Variants in C4orf51 observed in about 807,000 individuals in gnomAD.
C4orf51 encodes chromosome 4 open reading frame 51.
C4orf51 carries 25 observed loss-of-function variants against 25.2 expected under a neutral mutation model. The observed-to-expected ratio is 0.99, with a 90% CI of 0.72 to 1.39. The LOEUF is 1.39. Ranked by LOEUF, C4orf51 falls within the 40% of genes most tolerant of loss-of-function variation. The pLI is 0.00. For missense variants in C4orf51, 252 were observed against 239.6 expected, an observed-to-expected ratio of 1.05 and a Z score of -0.34; for synonymous variants, 100 against 84.5, an observed-to-expected ratio of 1.18 and a Z score of -1.01.
rs373641162 is a variant in C4orf51 at position 145,729,170 on chromosome 4, C to G, written c.368C>G (p.Ala123Gly). The G allele has an allele frequency of 2.5e-6, 4 of 1,593,210 alleles. No homozygotes were observed. Among genetic ancestry groups the G allele is most frequent in the African/African-American group, 2.7e-5 (2 of 74,450 alleles). ...KKSFDVKHGV[A>G]HQIWDFGDCF... ...TATTTCTATCTCTCCTTTTTATAGG[C>G]ACATCAAATTTGGGATTTTGGTGAT... The change falls in exon 4 of 6, where the codon GCA (alanine) becomes GGA (glycine). Residue 123 changes from alanine (A) to glycine (G), a missense_variant and splice_region_variant. Physicochemically the swap from Ala to Gly is moderately conservative, Grantham distance 60. Transcript: ENST00000438731.
downstream of C4orf51, among the ~76,000 whole-genome samples, chr4:145,734,837 C>T (rs1350998068): frequency 6.6e-6 from 1 of 152,198 alleles, no homozygotes; most frequent in Non-Finnish European, 1.5e-5. Context: ...ATGGTCAAGG[C>T]AGCCTGTGAC....
At position 145,692,963 on chromosome 4, in the gene C4orf51, TTTTTTTTTTTTTTTTTG is replaced by T. The variant is rs1289449394; in HGVS notation, c.234-3594_234-3578del. Among the ~76,000 whole-genome samples the T allele has an allele frequency of 1.2e-3, 29 of 24,006 alleles. 1 individual carries two copies. Among genetic ancestry groups the T allele is most frequent in the African/African-American group, 6.9e-3 (29 of 4,210 alleles). 15.7% of individuals were successfully genotyped at this position (24,006 alleles called of 152,430 possible). A position where few individuals can be genotyped will look rare whatever the true frequency, so the allele number is the denominator to read the frequency against. ...GATATTAAGTTTTTAGTTTTTTTTT[TTTTTTTTTTTTTTTTTG>T]TAAGTCCCATCAGGTGAAATGAACA... On this transcript the variant is annotated intron_variant, in intron 1 of 5. Coordinates refer to ENST00000438731, the MANE Select transcript of C4orf51 (RefSeq NM_001080531.3).
intron 3 of C4orf51, 138 bp downstream of exon 3, chr4:145,727,107 T>C (rs1732106874): frequency 1.6e-6 from 1 of 628,288 alleles, no homozygotes; most frequent in Admixed American, 2.9e-5. Flanking sequence ...CCTGAGTGCT[T>C]ATTTTGTGTG....
chr4:145,699,837 C>T (rs1314685984), intron 2 of C4orf51, among the ~76,000 whole-genome samples: 1 of 151,922 alleles, frequency 6.6e-6, no homozygotes, highest in African/African-American at 2.4e-5. Flanking sequence ...CCCTTCTCTC[C>T]TTGTCTCTAC....
At chr4:145,773,707 C>A (rs1228920450), downstream of C4orf51, among the ~76,000 whole-genome samples, 1 of 152,220 alleles carries the variant, frequency 6.6e-6, no homozygotes, top group Admixed American at 6.5e-5. Context: ...GCTTAAATAA[C>A]AGGCGAGCAC....
chr4:145,680,476 T>C (rs1728763403), intron 1 of C4orf51, 40 bp downstream of exon 1: 1 of 1,444,860 alleles, frequency 6.9e-7, no homozygotes, highest in Non-Finnish European at 9.7e-7. Context: ...TATATCACTA[T>C]AAATAGACAA....
At chr4:145,779,361 C>T in the C4orf51 span, 1 of 1,613,384 alleles carries the variant, frequency 6.2e-7, no homozygotes, top group Non-Finnish European at 8.5e-7. Flanking sequence ...CAGCCCAGGC[C>T]CTACTCACTC....
rs182403285 is a variant in C4orf51, at chr4:145,739,622, G to T, written n.167+7003G>T. 6.6e-5 allele frequency among the ~76,000 whole-genome samples: 10 copies of T among 152,314 alleles called. No homozygotes were observed. In the East Asian group the frequency reaches 1.9e-3, roughly 29 times the overall value. ...CTTTTAGAAAGCACTAAAAACAATT[G>T]TTAAACTTTTAAAAGTATAAGGACA... On this transcript the variant is annotated intron_variant and non_coding_transcript_variant, in intron 1 of 1. Transcript: ENST00000508981.
At chr4:145,720,351 G>A (rs1560845090) in intron 2 of C4orf51, among the ~76,000 whole-genome samples, 1 of 152,054 alleles carries the variant, frequency 6.6e-6, no homozygotes, top group African/African-American at 2.4e-5. Flanking sequence ...CAGAAATGGG[G>A]CCAACAGGAA....
At chr4:145,768,890 A>AAAAAAAAAAT (rs1553975847) in intron 1 of C4orf51, among the ~76,000 whole-genome samples, 1 of 7,724 alleles carries the variant, frequency 1.3e-4, no homozygotes, top group Non-Finnish European at 3.2e-4. Flanking sequence ...AAAAAAAAAA[A>AAAAAAAAAAT]ATATATATAT....
chr4:145,788,259 G>C, the C4orf51 span, among the ~76,000 whole-genome samples: 27 of 152,110 alleles, frequency 1.8e-4, no homozygotes, highest in African/African-American at 6.0e-4. Flanking sequence ...TCTTTATGCA[G>C]GTCATATTAA....
chr4:145,747,609 T>C (rs1316451403), intron 1 of C4orf51, among the ~76,000 whole-genome samples: 1 of 152,118 alleles, frequency 6.6e-6, no homozygotes, highest in Non-Finnish European at 1.5e-5. Flanking sequence ...TGCTAGTGTT[T>C]TGTTGAAGAT....
intron 1 of C4orf51, among the ~76,000 whole-genome samples, chr4:145,737,895 G>A (rs549636011): frequency 1.5e-4 from 23 of 152,092 alleles, no homozygotes; most frequent in Non-Finnish European, 2.9e-4. Flanking sequence ...GGTAATGATA[G>A]GCTCTTTCAA....
chr4:145,775,662 C>T, downstream of C4orf51: 4 of 1,185,770 alleles, frequency 3.4e-6, no homozygotes, highest in Non-Finnish European at 4.8e-6. Context: ...AAAGAAATTA[C>T]TCAAATGAAG....
downstream of C4orf51, chr4:145,774,744 T>C (rs897622977): frequency 2.5e-5 from 37 of 1,503,578 alleles, no homozygotes; most frequent in Non-Finnish European, 3.3e-5. Context: ...AGGCTGTCCA[T>C]TTATACACAG....
chr4:145,766,829 T>C (rs1735377063), intron 1 of C4orf51, among the ~76,000 whole-genome samples: 1 of 152,000 alleles, frequency 6.6e-6, no homozygotes, highest in African/African-American at 2.4e-5. Context: ...GGGCATTAGG[T>C]AGAAAACTAA....
chr4:145,703,068 G>GAC (rs1169166566), intron 2 of C4orf51, among the ~76,000 whole-genome samples: 2 of 151,464 alleles, frequency 1.3e-5, no homozygotes, highest in Non-Finnish European at 2.9e-5. Context: ...TCAGGCCTCT[G>GAC]AGCCCAAGCC....
At chr4:145,764,365 A>G (rs1734961679) in intron 1 of C4orf51, among the ~76,000 whole-genome samples, 1 of 152,212 alleles carries the variant, frequency 6.6e-6, no homozygotes, top group Non-Finnish European at 1.5e-5. Context: ...CCAGACACAC[A>G]GTACGTTTGA....
rs1488980689 is a variant in C4orf51 at position 145,763,337 on chromosome 4, T to C, written n.167-7651T>C. Among the ~76,000 whole-genome samples, 1 of 152,210 alleles carries C rather than the reference T, an allele frequency of 6.6e-6. No individual in the cohort carries two copies. Among genetic ancestry groups the C allele is most frequent in the East Asian group, 1.9e-4 (1 of 5,206 alleles). On this transcript the variant is annotated intron_variant and non_coding_transcript_variant, in intron 1 of 1. Transcript: ENST00000510096. The surrounding 1 kb of genome is among the most constrained non-coding windows in gnomAD (Gnocchi z 4.6). Reference sequence around the variant, plus strand: ...GCTCCCGTTATTTTCTTAAAGACACTCTCTCAGGCAAATTAATTCTCTGAT... The same window carrying C: ...GCTCCCGTTATTTTCTTAAAGACACCCTCTCAGGCAAATTAATTCTCTGAT...
Sources: allele counts gnomAD v4.1 joint callset (sites outside exome capture counted in the v4.1 genomes callset), GRCh38; gene constraint gnomAD v4.1.1; non-coding constraint Gnocchi (gnomAD v3.1); transcripts MANE v1.5; gene names NCBI Gene and HGNC (gene_info 2026-07-23, HGNC 2026-07-21).